Variants in EBF3 observed in about 807,000 individuals in gnomAD.
EBF3 encodes transcription factor COE3.
Under a neutral mutation model 77.1 loss-of-function variants are expected in EBF3, and 18 were observed. The observed-to-expected ratio is 0.23, with a 90% confidence interval of 0.16 to 0.35. The LOEUF (loss-of-function observed/expected upper bound fraction) is 0.35. EBF3 is among the 10% of genes least tolerant of loss of function. The pLI, the probability that EBF3 is intolerant of heterozygous loss-of-function variation, is 1.00. For missense variants in EBF3, 558 were observed against 860.0 expected, an observed-to-expected ratio of 0.65 and a Z score of 4.39; for synonymous variants, 350 against 343.5, an observed-to-expected ratio of 1.02 and a Z score of -0.21.
intron 8 of EBF3, among the ~76,000 whole-genome samples, chr10:129,868,852 T>G (rs189239338): frequency 6.6e-6 from 1 of 152,174 alleles, no homozygotes; most frequent in Non-Finnish European, 1.5e-5. Flanking sequence ...GTACATGGGC[T>G]CCCATGCAAA....
Position 129,963,346 on chromosome 10 carries a change from T to G in EBF3, c.291+21A>C. The G allele has an allele frequency of 6.4e-7, 1 of 1,572,142 alleles. No individual in the cohort carries two copies. Among genetic ancestry groups the G allele is most frequent in the Non-Finnish European group, 8.6e-7 (1 of 1,160,592 alleles). ...CCCGCTTCTAGAAAGAGAGAGGGTG[T>G]GATCGTGTGTTTGCACTTACTTTCT... On this transcript the variant is annotated intron_variant, in intron 2 of 16. Coordinates refer to ENST00000440978, the MANE Select transcript of EBF3 (RefSeq NM_001375380.1). The surrounding 1 kb of genome is among the most constrained non-coding windows in gnomAD (Gnocchi z 7.1).
intron 4 of EBF3, among the ~76,000 whole-genome samples, chr10:129,959,787 C>A (rs2134631210): frequency 6.6e-6 from 1 of 151,938 alleles, no homozygotes; most frequent in South Asian, 2.1e-4. Flanking sequence ...GCGTCGCCAG[C>A]GCCCCGCAGG....
At chr10:129,939,673 T>C (rs1857595971) in intron 6 of EBF3, among the ~76,000 whole-genome samples, 1 of 152,202 alleles carries the variant, frequency 6.6e-6, no homozygotes, top group African/African-American at 2.4e-5. Context: ...CTATGCAGAC[T>C]TCGTCAGACT....
At chr10:129,941,573 AG>A (rs1379005041) in intron 6 of EBF3, among the ~76,000 whole-genome samples, 2 of 152,094 alleles carry the variant, frequency 1.3e-5, no homozygotes, top group African/African-American at 4.8e-5. Flanking sequence ...CCAAAGGGTC[AG>A]GGGGGAGCCC....
chr10:129,848,282 G>A lies in EBF3; in HGVS notation c.1128+110C>T. 2 of 1,166,734 alleles carry A rather than the reference G, an allele frequency of 1.7e-6. No individual in the cohort carries two copies. Among genetic ancestry groups the A allele is most frequent in the East Asian group, 4.7e-5 (2 of 42,628 alleles). 72.3% of individuals were successfully genotyped at this position (1,166,734 alleles called of 1,614,324 possible). The stretch of plus-strand genomic sequence containing the variant: ...CTGTCGGCCCTGTGGTGGGCACAGA[G>A]TTTGGGGAATCTGCAATCCCCCCTT... On this transcript the variant is annotated intron_variant, in intron 11 of 16. Coordinates refer to ENST00000440978, the MANE Select transcript of EBF3 (RefSeq NM_001375380.1). This position sits in a 1 kb window ranked among gnomAD's most constrained non-coding sequence, Gnocchi z 4.4.
At position 129,864,510 on chromosome 10, in the gene EBF3, T is replaced by G. The variant is rs1175984560; in HGVS notation, c.1039+2631A>C. ...CTTAAAAAAGTCTCATTTCTAACAATAGCTGTGCAGACTTCCCCACCAAAA... is the reference window on the plus strand; with the variant it reads ...CTTAAAAAAGTCTCATTTCTAACAAGAGCTGTGCAGACTTCCCCACCAAAA... On this transcript the variant is annotated intron_variant, in intron 10 of 16. Coordinates refer to ENST00000440978, the MANE Select transcript of EBF3 (RefSeq NM_001375380.1). The surrounding 1 kb of genome is among the most constrained non-coding windows in gnomAD (Gnocchi z 4.4). Among the ~76,000 whole-genome samples, 1 of 152,146 alleles carries G rather than the reference T, an allele frequency of 6.6e-6. No homozygotes were observed. The highest frequency in any genetic ancestry group is 1.9e-4 in the East Asian group (1 of 5,182).
At position 129,836,890 on chromosome 10, in the gene EBF3, A is replaced by AG. The variant is rs1849643001; in HGVS notation, c.*1052_*1053insC. ...CAACTGCAAGTGTTCATGGGAAAGT[A>AG]AGTGTCAAATGAAGACCATTTTATT... On this transcript the variant is annotated 3_prime_UTR_variant, in exon 17 of 17. Coordinates refer to ENST00000440978, the MANE Select transcript of EBF3 (RefSeq NM_001375380.1). 1 of 152,696 alleles carries AG rather than the reference A, an allele frequency of 6.5e-6. No individual in the cohort carries two copies. Among genetic ancestry groups the AG allele is most frequent in the Non-Finnish European group, 1.5e-5 (1 of 68,052 alleles). The allele number at this position is 152,696 out of a possible 1,614,324, so 9.5% of individuals were successfully genotyped here.
rs946334823 is a variant in EBF3 at position 129,864,410 on chromosome 10, G to C, written c.1039+2731C>G. ...GCACAGCCCAAGGCCTTTCTCTGCA[G>C]CACTGGGGACAGAATCCCCAGGAGA... On this transcript the variant is annotated intron_variant, in intron 10 of 16. Transcript: ENST00000440978. The surrounding 1 kb of genome is among the most constrained non-coding windows in gnomAD (Gnocchi z 4.4). Among the ~76,000 whole-genome samples the C allele has an allele frequency of 6.6e-6, 1 of 152,216 alleles. No homozygotes were observed. The highest frequency in any genetic ancestry group is 2.4e-5 in the African/African-American group (1 of 41,452).
At position 129,848,167 on chromosome 10, in the gene EBF3, G is replaced by A. The variant is rs1161884678; in HGVS notation, c.1128+225C>T. Among the ~76,000 whole-genome samples, 1 of 152,244 alleles carries A rather than the reference G, an allele frequency of 6.6e-6. No homozygotes were observed. The highest frequency in any genetic ancestry group is 1.5e-5 in the Non-Finnish European group (1 of 68,050). On this transcript the variant is annotated intron_variant, in intron 11 of 16. Transcript: ENST00000440978. This position sits in a 1 kb window ranked among gnomAD's most constrained non-coding sequence, Gnocchi z 4.4. ...CTTAAAAAGATGGTCCTTTGGAGATGAGATGTAAAACTCGAGCCGTCTACG... is the reference window on the plus strand; with the variant it reads ...CTTAAAAAGATGGTCCTTTGGAGATAAGATGTAAAACTCGAGCCGTCTACG...
At chr10:129,921,724 C>A (rs997748179) in intron 6 of EBF3, among the ~76,000 whole-genome samples, 1 of 152,154 alleles carries the variant, frequency 6.6e-6, no homozygotes, top group Non-Finnish European at 1.5e-5. Flanking sequence ...GGGGGTTGTC[C>A]CAGCACAGAA....
At chr10:129,912,990 C>G (rs1855625962) in intron 6 of EBF3, among the ~76,000 whole-genome samples, 1 of 152,230 alleles carries the variant, frequency 6.6e-6, no homozygotes. Context: ...TATCATTCCC[C>G]CTTCTTGGGG....
At chr10:129,839,640 G>A (rs1472799146) in intron 15 of EBF3, among the ~76,000 whole-genome samples, 3 of 152,218 alleles carry the variant, frequency 2.0e-5, no homozygotes, top group Non-Finnish European at 2.9e-5. Flanking sequence ...GGGTCTAGAC[G>A]CACACCTCTT....
intron 4 of EBF3, among the ~76,000 whole-genome samples, chr10:129,961,343 G>A (rs556518322): frequency 4.4e-4 from 67 of 152,248 alleles, no homozygotes; most frequent in Non-Finnish European, 7.6e-4. Flanking sequence ...AAATGGGGGC[G>A]GGGGGAAATC....
At chr10:129,843,096 A>G (rs773427214) in intron 12 of EBF3, 41 bp downstream of exon 12, 9 of 1,372,072 alleles carry the variant, frequency 6.6e-6, no homozygotes, top group African/African-American at 3.0e-5. Context: ...GGGTTCTGGC[A>G]TGGGGGGGAG....
At position 129,890,785 on chromosome 10, in the gene EBF3, G is replaced by A. The variant is rs557381764; in HGVS notation, c.555-12936C>T. Among the ~76,000 whole-genome samples, 170 of 152,176 alleles carry A rather than the reference G, an allele frequency of 1.1e-3. 1 individual carries two copies. Among genetic ancestry groups the A allele is most frequent in the African/African-American group, 3.8e-3 (157 of 41,538 alleles). On this transcript the variant is annotated intron_variant, in intron 6 of 16. Coordinates refer to ENST00000440978, the MANE Select transcript of EBF3 (RefSeq NM_001375380.1). ...ATTGCAATTTTACAACTTCATGCTC[G>A]TGATCTATTTTGACAAAGCTCTGCT...
intron 10 of EBF3, among the ~76,000 whole-genome samples, chr10:129,855,026 G>A (rs371862316): frequency 1.4e-4 from 21 of 152,270 alleles, no homozygotes; most frequent in East Asian, 7.7e-4. Context: ...GCTCCCGTCC[G>A]TGGAGCTCCC....
chr10:129,910,958 G>A lies in EBF3; in HGVS notation c.555-33109C>T, dbSNP rs181566718. Among the ~76,000 whole-genome samples the A allele has an allele frequency of 9.9e-5, 15 of 152,280 alleles. No homozygotes were observed. In the East Asian group the frequency reaches 2.9e-3, roughly 29 times the overall value. On this transcript the variant is annotated intron_variant, in intron 6 of 16. Transcript: ENST00000440978. ...CCATGGCCGAAGCTGCTAATGAAAC[G>A]ATTTACCCACACAGAGCTCAGCGCG... is the stretch of plus-strand genomic sequence containing the variant.
In EBF3 at chr10:129,889,160, C is replaced by G. The variant is rs563051716; in HGVS notation, c.555-11311G>C. The stretch of plus-strand genomic sequence containing the variant: ...GGACATGGTGGTCCCCTCTGCTGGC[C>G]GCCAAAGCCCTGGCAGGTGAACAGA... On this transcript the variant is annotated intron_variant, in intron 6 of 16. Transcript: ENST00000440978. Among the ~76,000 whole-genome samples the G allele has an allele frequency of 2.6e-5, 4 of 152,208 alleles. No individual in the cohort carries two copies. The South Asian group carries it at 8.3e-4, about 31-fold the overall frequency.
At chr10:129,839,942 G>A (rs1032323636) in intron 15 of EBF3, among the ~76,000 whole-genome samples, 5 of 152,128 alleles carry the variant, frequency 3.3e-5, no homozygotes, top group Non-Finnish European at 7.3e-5. Context: ...CCACACTCCC[G>A]CCTTCTCTTA....
Sources: allele counts gnomAD v4.1 joint callset (sites outside exome capture counted in the v4.1 genomes callset), GRCh38; gene constraint gnomAD v4.1.1; non-coding constraint Gnocchi (gnomAD v3.1); transcripts MANE v1.5; gene names NCBI Gene and HGNC (gene_info 2026-07-23, HGNC 2026-07-21).